The following ZNF385D variants were observed in gnomAD, a reference collection of about 807,000 sequenced individuals.
ZNF385D encodes zinc finger protein 659.
A neutral mutation model predicts 35.8 loss-of-function variants in ZNF385D; 15 were observed. That is an observed-to-expected ratio of 0.42 (90% CI 0.28 to 0.64). The LOEUF (loss-of-function observed/expected upper bound fraction) is 0.64. Among genes scored for constraint, ZNF385D ranks in the 30% least tolerant of loss-of-function variants. The probability of loss-of-function intolerance (pLI) is 0.23; values close to 1 mark genes in which losing one functional copy is unlikely to be tolerated. For missense variants in ZNF385D, 474 were observed against 494.6 expected (o/e 0.96, Z 0.39); for synonymous variants, 212 against 186.8 (o/e 1.13, Z -1.10).
intron 3 of ZNF385D, among the ~76,000 whole-genome samples, chr3:21,756,575 G>T (rs936147158): frequency 2.6e-5 from 4 of 152,134 alleles, no homozygotes; most frequent in Non-Finnish European, 5.9e-5. Context: ...TAAAATCCAT[G>T]AGATCAGATA....
chr3:21,440,535 A>G (rs1392621686), intron 4 of ZNF385D, among the ~76,000 whole-genome samples: 1 of 152,112 alleles, frequency 6.6e-6, no homozygotes, highest in Non-Finnish European at 1.5e-5. Flanking sequence ...ATTCTAGGGC[A>G]AAAGAACATT....
intron 3 of ZNF385D, among the ~76,000 whole-genome samples, chr3:21,853,539 C>A (rs2125815078): frequency 7.2e-6 from 1 of 138,738 alleles, no homozygotes; most frequent in African/African-American, 2.7e-5. Flanking sequence ...AAGAATGTCA[C>A]TTTATCATAT....
intron 1 of ZNF385D, among the ~76,000 whole-genome samples, chr3:21,702,956 C>T (rs540260539): frequency 2.6e-4 from 39 of 152,278 alleles, no homozygotes; most frequent in South Asian, 6.2e-4. Flanking sequence ...CCAAACTTTC[C>T]TACTTTTCTA....
intron 2 of ZNF385D, among the ~76,000 whole-genome samples, chr3:22,196,922 C>T (rs1284164872): frequency 1.3e-5 from 2 of 151,918 alleles, no homozygotes; most frequent in African/African-American, 4.8e-5. Flanking sequence ...TTTCACTTTT[C>T]TTTGCCCAAA....
chr3:22,250,229 A>G (rs989967249), intron 2 of ZNF385D, among the ~76,000 whole-genome samples: 31 of 152,144 alleles, frequency 2.0e-4, no homozygotes, highest in Non-Finnish European at 3.4e-4. Flanking sequence ...CTTTATAGAT[A>G]TATTTCCAGT....
At chr3:22,079,331 T>G (rs771654495) in intron 3 of ZNF385D, among the ~76,000 whole-genome samples, 8 of 151,988 alleles carry the variant, frequency 5.3e-5, no homozygotes, top group Non-Finnish European at 1.0e-4. Flanking sequence ...CTGAAAAATA[T>G]AATTTAAGAA....
intron 3 of ZNF385D, among the ~76,000 whole-genome samples, chr3:21,824,958 T>A (rs925370508): frequency 2.0e-5 from 3 of 152,206 alleles, no homozygotes; most frequent in African/African-American, 7.2e-5. Flanking sequence ...TTGTTAAAAA[T>A]GTGATGTGTA....
At chr3:21,757,125 T>TTTC (rs1241201054) in intron 3 of ZNF385D, among the ~76,000 whole-genome samples, 2 of 97,022 alleles carry the variant, frequency 2.1e-5, no homozygotes. Context: ...TTTCTCTTTT[T>TTTC]TTTTTTTTTT....
chr3:21,952,117 C>G (rs1172836194), intron 3 of ZNF385D, among the ~76,000 whole-genome samples: 1 of 148,650 alleles, frequency 6.7e-6, no homozygotes, highest in Non-Finnish European at 1.5e-5. Flanking sequence ...AGAATGTTGC[C>G]TTCAATTGTT....
intron 2 of ZNF385D, among the ~76,000 whole-genome samples, chr3:22,176,777 A>G (rs138425793): frequency 6.6e-6 from 1 of 152,296 alleles, no homozygotes; most frequent in East Asian, 1.9e-4. Context: ...CAAATGACTC[A>G]CCATGAAAGC....
rs374794515 is a variant in ZNF385D, at chr3:21,498,229, A to G, written c.439+12632T>C. 1.7e-4 allele frequency among the ~76,000 whole-genome samples: 26 copies of G among 152,188 alleles called. No individual in the cohort carries two copies. In the East Asian group the frequency reaches 3.1e-3, roughly 18 times the overall value. ...TAGAAAAATCAACTCAAGATGGATT[A>G]AAGACTTAAAGGTAAAATCTAAAAT... On this transcript the variant is annotated intron_variant, in intron 4 of 7. Coordinates refer to ENST00000281523, the MANE Select transcript of ZNF385D (RefSeq NM_024697.3).
intron 3 of ZNF385D, among the ~76,000 whole-genome samples, chr3:22,020,216 A>G (rs1017838226): frequency 3.3e-5 from 5 of 151,914 alleles, no homozygotes; most frequent in Non-Finnish European, 7.4e-5. Context: ...GTACAGAATA[A>G]TGACTGGGAG....
chr3:21,413,839 A>G lies in ZNF385D; in HGVS notation c.*7375T>C, dbSNP rs1440622711. The G allele has an allele frequency of 2.6e-5, 4 of 152,270 alleles. No homozygotes were observed. Among genetic ancestry groups the G allele is most frequent in the South Asian group, 2.1e-4 (1 of 4,830 alleles). 9.4% of individuals were successfully genotyped at this position (152,270 alleles called of 1,614,324 possible). A position where few individuals can be genotyped will look rare whatever the true frequency, so the allele number is the denominator to read the frequency against. On this transcript the variant is annotated 3_prime_UTR_variant, in exon 8 of 8. Transcript: ENST00000281523. Reference sequence around the variant, plus strand: ...TATAGTCACTAAATGCATGTGGATTAAAATATTTTTAGATCTCAAAACTAA... The same window carrying G: ...TATAGTCACTAAATGCATGTGGATTGAAATATTTTTAGATCTCAAAACTAA...
At chr3:22,215,362 A>G (rs1321333519) in intron 2 of ZNF385D, among the ~76,000 whole-genome samples, 1 of 152,016 alleles carries the variant, frequency 6.6e-6, no homozygotes, top group Non-Finnish European at 1.5e-5. Flanking sequence ...CAAATAGGAG[A>G]AATATCGCTG....
intron 2 of ZNF385D, among the ~76,000 whole-genome samples, chr3:22,316,549 A>C (rs1703899656): frequency 6.6e-6 from 1 of 152,200 alleles, no homozygotes; most frequent in African/African-American, 2.4e-5. Context: ...TACAGGAGCT[A>C]TAAGCTTAAA....
Position 21,898,596 on chromosome 3 carries a change from A to T in ZNF385D, c.326-233568T>A, listed in dbSNP as rs114965152. Among the ~76,000 whole-genome samples, 250 of 152,288 alleles carry T rather than the reference A, an allele frequency of 1.6e-3. 2 individuals are homozygous for T. The highest frequency in any genetic ancestry group is 5.9e-3 in the African/African-American group (245 of 41,578). ...CCAATTTACCAGAAGTTGTAAATGC[A>T]ACATCTCTAGTCATTGTGAATGTGT... is the stretch of plus-strand genomic sequence containing the variant. On this transcript the variant is annotated intron_variant, in intron 3 of 5. Transcript: ENST00000494108.
Position 21,428,933 on chromosome 3 carries a change from CT to C in ZNF385D, c.674-3264del, listed in dbSNP as rs56827844. Among the ~76,000 whole-genome samples, 131 of 111,922 alleles carry C rather than the reference CT, an allele frequency of 1.2e-3. 1 individual carries two copies. The highest frequency in any genetic ancestry group is 8.6e-4 in the Admixed American group (8 of 9,318). 73.4% of individuals were successfully genotyped at this position (111,922 alleles called of 152,430 possible). Reference sequence around the variant, plus strand: ...GCACGGCATAAGGCTCCAAGAAATCCTTTTTTTTTTTTGCTTTCTGCTTAAT... The same window carrying C: ...GCACGGCATAAGGCTCCAAGAAATCCTTTTTTTTTTTGCTTTCTGCTTAAT... On this transcript the variant is annotated intron_variant, in intron 5 of 7. Transcript: ENST00000281523.
chr3:22,185,064 T>C (rs17689311), intron 2 of ZNF385D, among the ~76,000 whole-genome samples: 8,756 of 152,270 alleles, frequency 0.058, 346 homozygotes, highest in Middle Eastern at 0.15. Context: ...ACATTGGATA[T>C]TGTTATTTAC....
intron 2 of ZNF385D, among the ~76,000 whole-genome samples, chr3:21,567,180 A>G (rs2063178021): frequency 2.6e-5 from 4 of 152,210 alleles, no homozygotes; most frequent in South Asian, 2.1e-4. Flanking sequence ...TCAAGTCTGA[A>G]TATGCAACCT....
Sources: allele counts gnomAD v4.1 joint callset (sites outside exome capture counted in the v4.1 genomes callset), GRCh38; gene constraint gnomAD v4.1.1; transcripts MANE v1.5; gene names NCBI Gene and HGNC (gene_info 2026-07-23, HGNC 2026-07-21).